Variants in MEGF10 observed in about 807,000 individuals in gnomAD.
The protein encoded by MEGF10 is multiple epidermal growth factor-like domains protein 10.
MEGF10 carries 86 observed loss-of-function variants against 147.5 expected under a neutral mutation model. That is an observed-to-expected ratio of 0.58 (90% confidence interval 0.49 to 0.70). The LOEUF (loss-of-function observed/expected upper bound fraction) is 0.70. Among genes scored for constraint, MEGF10 ranks in the 30% least tolerant of loss-of-function variants. MEGF10 has a pLI of 0.00. For synonymous variants in MEGF10, 478 were observed against 525.5 expected, an observed-to-expected ratio of 0.91 and a Z score of 1.24; for missense variants, 1,329 against 1,487.3, an observed-to-expected ratio of 0.89 and a Z score of 1.75.
chr5:127,248,570 G>T, the MEGF10 span, among the ~76,000 whole-genome samples: 35 of 152,128 alleles, frequency 2.3e-4, no homozygotes, highest in African/African-American at 7.9e-4. Flanking sequence ...AATACTAGAA[G>T]TAATAATTTC....
At chr5:127,377,771 G>A (rs900572772) in intron 5 of MEGF10, among the ~76,000 whole-genome samples, 11 of 152,174 alleles carry the variant, frequency 7.2e-5, no homozygotes, top group South Asian at 2.1e-4. Flanking sequence ...TGGTGGGATC[G>A]ATGCTGTCTG....
chr5:127,319,130 CA>C (rs1427765009), intron 1 of MEGF10, among the ~76,000 whole-genome samples: 2 of 147,740 alleles, frequency 1.4e-5, no homozygotes, highest in African/African-American at 5.0e-5. Context: ...GGCTGGAGTG[CA>C]GTGGTATGAT....
chr5:127,366,158 T>C (rs1762644851), intron 4 of MEGF10, among the ~76,000 whole-genome samples: 1 of 152,092 alleles, frequency 6.6e-6, no homozygotes, highest in South Asian at 2.1e-4. Context: ...AATCTCTTGG[T>C]GGTGGTGTGG....
At chr5:127,267,239 T>C in the MEGF10 span, among the ~76,000 whole-genome samples, 235 of 152,354 alleles carry the variant, frequency 1.5e-3, no homozygotes, top group African/African-American at 5.4e-3. Flanking sequence ...GATTTGTGTA[T>C]GTTGAACCAG....
chr5:127,235,240 G>A, the MEGF10 span, among the ~76,000 whole-genome samples: 4 of 113,412 alleles, frequency 3.5e-5, no homozygotes, highest in African/African-American at 1.4e-4. Flanking sequence ...TTTCACAGAT[G>A]CCTTAAATTC....
the MEGF10 span, among the ~76,000 whole-genome samples, chr5:127,259,068 C>T: frequency 3.9e-5 from 6 of 152,222 alleles, no homozygotes; most frequent in South Asian, 1.2e-3. Context: ...ATATAATTTA[C>T]ATTTATGAGA....
the MEGF10 span, among the ~76,000 whole-genome samples, chr5:127,230,855 C>T: frequency 6.7e-6 from 1 of 149,574 alleles, no homozygotes; most frequent in Non-Finnish European, 1.5e-5. Flanking sequence ...CCTAATAACC[C>T]AATAGAACTG....
At chr5:127,416,672 G>A (rs1481023549) in intron 9 of MEGF10, among the ~76,000 whole-genome samples, 1 of 152,146 alleles carries the variant, frequency 6.6e-6, no homozygotes, top group Non-Finnish European at 1.5e-5. Flanking sequence ...GGAATTTTCT[G>A]AACAAGGAGG....
At chr5:127,389,990 T>C (rs1763585005) in intron 5 of MEGF10, among the ~76,000 whole-genome samples, 1 of 152,150 alleles carries the variant, frequency 6.6e-6, no homozygotes, top group Non-Finnish European at 1.5e-5. Flanking sequence ...GATAGAACCA[T>C]TTAAAAAACC....
intron 17 of MEGF10, 63 bp downstream of exon 17, chr5:127,438,630 C>A: frequency 1.3e-6 from 2 of 1,574,632 alleles, no homozygotes; most frequent in Non-Finnish European, 1.7e-6. Context: ...AACAGCCTTA[C>A]CCTCCGCATG....
intron 5 of MEGF10, among the ~76,000 whole-genome samples, chr5:127,380,757 T>C (rs1763224498): frequency 6.6e-6 from 1 of 152,128 alleles, no homozygotes; most frequent in South Asian, 2.1e-4. Context: ...GACCTCATGA[T>C]TCGCCCGCCT....
At chr5:127,279,353 A>C in the MEGF10 span, among the ~76,000 whole-genome samples, 1 of 152,130 alleles carries the variant, frequency 6.6e-6, no homozygotes, top group African/African-American at 2.4e-5. Flanking sequence ...GATCATGACA[A>C]AGTCTAGGTT....
At chr5:127,303,467 T>C (rs1214294326) in intron 1 of MEGF10, among the ~76,000 whole-genome samples, 1 of 152,028 alleles carries the variant, frequency 6.6e-6, no homozygotes, top group African/African-American at 2.4e-5. Context: ...TTATCATTGA[T>C]AATAAAAACA....
chr5:127,425,018 C>G (rs905553810), intron 13 of MEGF10, among the ~76,000 whole-genome samples: 1 of 152,236 alleles, frequency 6.6e-6, no homozygotes, highest in African/African-American at 2.4e-5. Context: ...AAATCTACTT[C>G]TGTCTTATAA....
At chr5:127,240,976 T>C in the MEGF10 span, among the ~76,000 whole-genome samples, 16 of 152,184 alleles carry the variant, frequency 1.1e-4, no homozygotes, top group African/African-American at 3.6e-4. Context: ...ATGCAAAAGA[T>C]TTTTTCTTCT....
rs79904777 is a variant in MEGF10, at chr5:127,434,667, G to T, written c.1841-20G>T. On this transcript the variant is annotated intron_variant, in intron 14 of 24. Transcript: ENST00000503335. The stretch of plus-strand genomic sequence containing the variant: ...AACGCATCTCAGAAGGATAACTGCT[G>T]ATTTCCCTTCTGTTTTCAGTCTGCT... The T allele has an allele frequency of 5.0e-6, 8 of 1,596,962 alleles. No homozygotes were observed. The African/African-American group carries it at 1.1e-4, about 21-fold the overall frequency.
At chr5:127,296,173 C>A (rs1007464654) in intron 1 of MEGF10, among the ~76,000 whole-genome samples, 17 of 152,160 alleles carry the variant, frequency 1.1e-4, no homozygotes, top group Non-Finnish European at 2.1e-4. Flanking sequence ...AAAGAAGGTA[C>A]AAACCAATGT....
At chr5:127,396,804 G>C in intron 6 of MEGF10, 26 bp downstream of exon 6, 1 of 1,598,726 alleles carries the variant, frequency 6.3e-7, no homozygotes, top group Non-Finnish European at 8.5e-7. Context: ...CCCAGCAGCA[G>C]AGCAGAGCCC....
At chr5:127,375,371 T>C (rs1762985881) in intron 5 of MEGF10, among the ~76,000 whole-genome samples, 4 of 152,242 alleles carry the variant, frequency 2.6e-5, no homozygotes, top group African/African-American at 4.8e-5. Context: ...AAACAGTCAG[T>C]GTTCCTGGCT....
Sources: allele counts gnomAD v4.1 joint callset (sites outside exome capture counted in the v4.1 genomes callset), GRCh38; gene constraint gnomAD v4.1.1; transcripts MANE v1.5; gene names NCBI Gene and HGNC (gene_info 2026-07-23, HGNC 2026-07-21).